Variants in NOL4 observed in about 807,000 individuals in gnomAD.
NOL4 encodes the protein cancer/testis antigen 125.
In NOL4, 17 loss-of-function variants were observed where a neutral mutation model predicts 75.9. That is an observed-to-expected ratio of 0.22 (90% CI 0.15 to 0.34). The LOEUF is 0.34. NOL4 is among the 10% of genes least tolerant of loss of function. NOL4 has a pLI of 1.00. For synonymous variants in NOL4, 292 were observed against 289.9 expected, an observed-to-expected ratio of 1.01 and a Z score of -0.07; for missense variants, 614 against 793.5, an observed-to-expected ratio of 0.77 and a Z score of 2.72.
chr18:34,015,235 C>A (rs1389983216), intron 6 of NOL4, among the ~76,000 whole-genome samples: 1 of 151,974 alleles, frequency 6.6e-6, no homozygotes, highest in Non-Finnish European at 1.5e-5. Flanking sequence ...AAGTGAAATT[C>A]CAGACACAGT....
intron 5 of NOL4, among the ~76,000 whole-genome samples, chr18:34,024,868 A>C (rs570555438): frequency 7.0e-4 from 106 of 152,320 alleles, no homozygotes; most frequent in African/African-American, 2.5e-3. Flanking sequence ...AACACAATAA[A>C]GGCTAGAAAT....
At chr18:33,981,273 C>A (rs1049358529) in intron 6 of NOL4, among the ~76,000 whole-genome samples, 27 of 147,554 alleles carry the variant, frequency 1.8e-4, no homozygotes, top group Admixed American at 2.7e-4. Context: ...AAAACAGAAT[C>A]TTTGAAGCAA....
chr18:33,925,646 T>C (rs2067279686), intron 9 of NOL4, among the ~76,000 whole-genome samples: 1 of 152,216 alleles, frequency 6.6e-6, no homozygotes, highest in African/African-American at 2.4e-5. Flanking sequence ...ACATTAACAG[T>C]TGAAATTTAT....
intron 1 of NOL4, among the ~76,000 whole-genome samples, chr18:34,138,653 T>C (rs532171941): frequency 2.6e-5 from 4 of 152,264 alleles, no homozygotes; most frequent in African/African-American, 7.2e-5. Flanking sequence ...CTTTTCCTAA[T>C]TGAATACCCT....
intron 6 of NOL4, among the ~76,000 whole-genome samples, chr18:33,982,904 C>T (rs1393555181): frequency 6.6e-6 from 1 of 151,870 alleles, no homozygotes; most frequent in Non-Finnish European, 1.5e-5. Flanking sequence ...GCATGTACCA[C>T]CACACGTGGC....
chr18:34,090,220 T>G (rs1390298417), intron 5 of NOL4, among the ~76,000 whole-genome samples: 2 of 152,082 alleles, frequency 1.3e-5, no homozygotes, highest in African/African-American at 2.4e-5. Flanking sequence ...CAAAATATAA[T>G]TATGGTAAAA....
chr18:34,118,020 T>C (rs1485190546), intron 2 of NOL4, among the ~76,000 whole-genome samples: 1 of 152,176 alleles, frequency 6.6e-6, no homozygotes, highest in Non-Finnish European at 1.5e-5. Context: ...TTCCTAAATA[T>C]CAGTAGTTTG....
chr18:33,972,016 A>T (rs1169289924), intron 6 of NOL4, among the ~76,000 whole-genome samples: 1 of 151,846 alleles, frequency 6.6e-6, no homozygotes, highest in Non-Finnish European at 1.5e-5. Context: ...AAAGTACAAA[A>T]ATTAGCTGGG....
chr18:33,881,326 C>A (rs558493284), intron 10 of NOL4, among the ~76,000 whole-genome samples: 79 of 149,848 alleles, frequency 5.3e-4, no homozygotes, highest in African/African-American at 1.9e-3. Context: ...GACAATTTGA[C>A]TTCCTCTTTT....
intron 1 of NOL4, among the ~76,000 whole-genome samples, chr18:34,199,053 G>C (rs2035541333): frequency 6.6e-6 from 1 of 151,562 alleles, no homozygotes; most frequent in Non-Finnish European, 1.5e-5. Flanking sequence ...TTGCATATTG[G>C]AACAACAAAT....
intron 2 of NOL4, among the ~76,000 whole-genome samples, chr18:34,124,100 ATGCATC>A (rs2145862620): frequency 6.6e-6 from 1 of 152,288 alleles, no homozygotes; most frequent in South Asian, 2.1e-4. Flanking sequence ...GGAAAAAACA[ATGCATC>A]TGTATTAAAA....
intron 5 of NOL4, among the ~76,000 whole-genome samples, chr18:34,069,132 A>C (rs981876245): frequency 6.6e-6 from 1 of 152,204 alleles, no homozygotes; most frequent in African/African-American, 2.4e-5. Flanking sequence ...GTGTGAAACA[A>C]TTGACAACAA....
chr18:33,878,004 A>T (rs1230055487), intron 10 of NOL4, among the ~76,000 whole-genome samples: 1 of 152,088 alleles, frequency 6.6e-6, no homozygotes, highest in Non-Finnish European at 1.5e-5. Flanking sequence ...ACTTCAGGTG[A>T]GTAGACCTTG....
At chr18:34,093,414 A>ACTCAT (rs769076459) in intron 5 of NOL4, 51 bp downstream of exon 5, 18 of 1,505,418 alleles carry the variant, frequency 1.2e-5, no homozygotes, top group Non-Finnish European at 1.6e-5. Context: ...ATGCATTCTG[A>ACTCAT]CTCATTTTTT....
intron 1 of NOL4, among the ~76,000 whole-genome samples, chr18:34,146,643 C>T (rs4799362): frequency 0.017 from 2,582 of 151,876 alleles, 30 homozygotes; most frequent in Non-Finnish European, 0.025. Flanking sequence ...GTAGTATAGT[C>T]TGAAGTCAGG....
chr18:34,073,853 T>A (rs752839845), intron 5 of NOL4, among the ~76,000 whole-genome samples: 47 of 152,150 alleles, frequency 3.1e-4, no homozygotes, highest in Non-Finnish European at 6.2e-4. Context: ...AAAGAAGGCA[T>A]AGTCATCTAT....
intron 1 of NOL4, among the ~76,000 whole-genome samples, chr18:34,175,489 A>G (rs1278754946): frequency 1.3e-5 from 2 of 152,180 alleles, no homozygotes; most frequent in Non-Finnish European, 2.9e-5. Context: ...TTCCCTAGGA[A>G]TCCAGATGAC....
intron 10 of NOL4, among the ~76,000 whole-genome samples, chr18:33,863,154 A>T (rs2144322516): frequency 6.6e-6 from 1 of 152,274 alleles, no homozygotes; most frequent in Non-Finnish European, 1.5e-5. Flanking sequence ...CATCATTCTC[A>T]GTAAACTATC....
intron 10 of NOL4, among the ~76,000 whole-genome samples, chr18:33,870,348 A>G (rs1182436597): frequency 2.6e-5 from 4 of 151,994 alleles, no homozygotes; most frequent in Non-Finnish European, 4.4e-5. Flanking sequence ...GTGAATAGGG[A>G]GTAGGGAATA....
Sources: gnomAD v4.1 joint callset for allele counts (sites outside exome capture counted in the v4.1 genomes callset) on GRCh38, gnomAD v4.1.1 for gene constraint, MANE v1.5 for transcripts, NCBI Gene and HGNC (gene_info 2026-07-23, HGNC 2026-07-21) for gene names.